Variants in FRMPD4 observed in about 807,000 individuals in gnomAD.
FRMPD4 encodes the protein FERM and PDZ domain-containing protein 4.
Under a neutral mutation model 94.1 loss-of-function variants are expected in FRMPD4, and 22 were observed. That is an observed-to-expected ratio of 0.23 (90% CI 0.17 to 0.33). The LOEUF is 0.33. FRMPD4 is among the 10% of genes least tolerant of loss of function. The probability of loss-of-function intolerance (pLI) is 1.00; values close to 1 mark genes in which losing one functional copy is unlikely to be tolerated. For missense variants in FRMPD4, 1,111 were observed against 1,339.9 expected, an observed-to-expected ratio of 0.83 and a Z score of 2.67; for synonymous variants, 631 against 548.6, an observed-to-expected ratio of 1.15 and a Z score of -2.10.
At chrX:12,349,732 T>C (rs1025819541) in intron 1 of FRMPD4, among the ~76,000 whole-genome samples, 1 of 111,925 alleles carries the variant, frequency 8.9e-6, no homozygotes, top group African/African-American at 3.2e-5. Context: ...ATATTGTATG[T>C]CTTCCTAATG....
intron 3 of FRMPD4, among the ~76,000 whole-genome samples, chrX:12,067,606 C>T (rs777154926): frequency 4.6e-5 from 5 of 108,903 alleles, no homozygotes; most frequent in East Asian, 2.9e-4. Context: ...TTAGTAGAGA[C>T]GGGGTTTCAT....
At chrX:12,085,969 C>T (rs1471158189) in intron 3 of FRMPD4, among the ~76,000 whole-genome samples, 2 of 112,143 alleles carry the variant, frequency 1.8e-5, no homozygotes, top group East Asian at 5.6e-4. Flanking sequence ...AGAAGAAAAA[C>T]ACTCTTAAAC....
At chrX:12,335,565 G>A (rs180822322) in intron 1 of FRMPD4, among the ~76,000 whole-genome samples, 26 of 111,430 alleles carry the variant, frequency 2.3e-4, no homozygotes, top group South Asian at 1.9e-3. Flanking sequence ...TGGACTCTGC[G>A]TCTAGCCTAC....
intron 3 of FRMPD4, among the ~76,000 whole-genome samples, chrX:11,900,328 G>T (rs1230479382): frequency 9.0e-6 from 1 of 111,201 alleles, no homozygotes; most frequent in African/African-American, 3.3e-5. Flanking sequence ...TGGGAAGCGG[G>T]GGCTTCATAA....
intron 1 of FRMPD4, among the ~76,000 whole-genome samples, chrX:12,413,042 C>T (rs1287270702): frequency 6.3e-5 from 7 of 110,416 alleles, no homozygotes; most frequent in African/African-American, 2.3e-4. Flanking sequence ...TTAATTTGTG[C>T]AGCCCTGGCC....
chrX:11,830,168 A>G (rs2053467224), intron 1 of FRMPD4, among the ~76,000 whole-genome samples: 1 of 111,896 alleles, frequency 8.9e-6, no homozygotes, highest in Non-Finnish European at 1.9e-5. Context: ...TAACTATAAT[A>G]TATGTCTAAA....
At chrX:12,645,774 T>G (rs1314654891) in intron 4 of FRMPD4, among the ~76,000 whole-genome samples, 1 of 111,913 alleles carries the variant, frequency 8.9e-6, no homozygotes, top group African/African-American at 3.2e-5. Context: ...TTAAGGAAAC[T>G]CAAGAAAAAA....
At chrX:12,064,732 C>A (rs764275429) in intron 3 of FRMPD4, among the ~76,000 whole-genome samples, 2 of 111,882 alleles carry the variant, frequency 1.8e-5, no homozygotes. Flanking sequence ...AAAAAGGAAA[C>A]AGGTTATAGG....
chrX:12,297,351 G>A (rs1412869568), intron 1 of FRMPD4, among the ~76,000 whole-genome samples: 2 of 112,414 alleles, frequency 1.8e-5, no homozygotes, highest in Admixed American at 1.9e-4. Context: ...CTGGAGGTTG[G>A]GAAGTCTAAG....
chrX:12,296,970 G>C (rs1044173292), intron 1 of FRMPD4, among the ~76,000 whole-genome samples: 1 of 112,496 alleles, frequency 8.9e-6, no homozygotes, highest in African/African-American at 3.2e-5. Flanking sequence ...CCCTCCCCAT[G>C]TTGGCTGTGT....
chrX:12,663,399 G>T (rs2059739250), intron 4 of FRMPD4, among the ~76,000 whole-genome samples: 6 of 111,999 alleles, frequency 5.4e-5, no homozygotes, highest in Admixed American at 3.8e-4. Flanking sequence ...TATAGTTTCA[G>T]TTTTTTGCAT....
intron 3 of FRMPD4, among the ~76,000 whole-genome samples, chrX:12,032,848 T>A (rs988210276): frequency 1.8e-5 from 2 of 112,375 alleles, no homozygotes; most frequent in African/African-American, 6.5e-5. Context: ...ACTTCTTGCT[T>A]CTCTGGGAAG....
At chrX:12,368,747 C>T (rs760428259) in intron 1 of FRMPD4, among the ~76,000 whole-genome samples, 33 of 110,448 alleles carry the variant, frequency 3.0e-4, no homozygotes, top group African/African-American at 8.6e-4. Context: ...GGCCTGGCGG[C>T]GGGCGCCTGT....
chrX:12,640,196 G>A (rs1377476328), intron 4 of FRMPD4, among the ~76,000 whole-genome samples: 1 of 106,253 alleles, frequency 9.4e-6, no homozygotes, highest in African/African-American at 3.4e-5. Context: ...CTACTCCGGA[G>A]GCTGAGGCAC....
chrX:11,919,787 T>G (rs1254480080), intron 3 of FRMPD4, among the ~76,000 whole-genome samples: 1 of 112,122 alleles, frequency 8.9e-6, no homozygotes, highest in Non-Finnish European at 1.9e-5. Context: ...AATTTCTCCC[T>G]TCTCCTCCTT....
chrX:12,532,604 G>A (rs940646262), intron 2 of FRMPD4, among the ~76,000 whole-genome samples: 1 of 111,523 alleles, frequency 9.0e-6, no homozygotes, highest in Non-Finnish European at 1.9e-5. Flanking sequence ...CCACTACTTC[G>A]AAAATTTGGT....
intron 1 of FRMPD4, among the ~76,000 whole-genome samples, chrX:12,175,201 C>A (rs1366910966): frequency 8.9e-6 from 1 of 111,954 alleles, no homozygotes; most frequent in Non-Finnish European, 1.9e-5. Context: ...AAGTGAATAA[C>A]AAATACACCC....
intron 3 of FRMPD4, among the ~76,000 whole-genome samples, chrX:11,908,267 T>C (rs2053978569): frequency 8.9e-6 from 1 of 112,068 alleles, no homozygotes; most frequent in African/African-American, 3.2e-5. Context: ...AGACTTGCAA[T>C]CATCCAGAGA....
intron 2 of FRMPD4, among the ~76,000 whole-genome samples, chrX:12,518,157 T>G (rs768843630): frequency 1.8e-5 from 2 of 110,982 alleles, no homozygotes; most frequent in East Asian, 5.7e-4. Flanking sequence ...CCCTTCTCCA[T>G]GGGAGCTCAA....
Sources: gnomAD v4.1 joint callset for allele counts (sites outside exome capture counted in the v4.1 genomes callset) on GRCh38, gnomAD v4.1.1 for gene constraint, MANE v1.5 for transcripts, NCBI Gene and HGNC (gene_info 2026-07-23, HGNC 2026-07-21) for gene names.